RBFOX1: variants seen among roughly 807,000 people sequenced by gnomAD.
RBFOX1 encodes the protein RNA binding protein fox-1 homolog 1.
In RBFOX1, 8 loss-of-function variants were observed where a neutral mutation model predicts 57.7. The ratio of observed to expected loss-of-function variants is 0.14; its 90% CI spans 0.08 to 0.25. The LOEUF is 0.25. Ranked by LOEUF, RBFOX1 falls within the 10% of genes least tolerant of loss-of-function variation. The pLI is 1.00. For synonymous variants in RBFOX1, 326 were observed against 222.4 expected (o/e 1.47, Z -4.15); for missense variants, 611 against 548.5 (o/e 1.11, Z -1.14).
intron 4 of RBFOX1, among the ~76,000 whole-genome samples, chr16:7,434,342 G>A (rs1002850181): frequency 4.6e-5 from 7 of 152,010 alleles, no homozygotes; most frequent in Non-Finnish European, 2.9e-5. Context: ...CACAGTGGCG[G>A]GCGCCAGTAG....
chr16:5,701,117 T>TG (rs2051032037), intron 3 of RBFOX1, among the ~76,000 whole-genome samples: 2 of 97,034 alleles, frequency 2.1e-5, no homozygotes, highest in Non-Finnish European at 3.0e-5. Flanking sequence ...AATGCCTGTT[T>TG]ATTGTTAAAG....
At chr16:7,375,579 T>G (rs2097671335) in intron 4 of RBFOX1, among the ~76,000 whole-genome samples, 1 of 151,994 alleles carries the variant, frequency 6.6e-6, no homozygotes, top group Non-Finnish European at 1.5e-5. Flanking sequence ...GAAATGGGTT[T>G]ATACTCTTCT....
intron 4 of RBFOX1, among the ~76,000 whole-genome samples, chr16:7,379,327 T>C (rs1047188830): frequency 2.1e-4 from 32 of 152,132 alleles, no homozygotes; most frequent in African/African-American, 6.0e-4. Context: ...TGTTTTAAAA[T>C]AATAACAGTA....
chr16:5,915,119 T>A (rs939017477), intron 4 of RBFOX1, among the ~76,000 whole-genome samples: 1 of 152,162 alleles, frequency 6.6e-6, no homozygotes, highest in African/African-American at 2.4e-5. Context: ...TTTTAGAGGC[T>A]GCTCATTCCA....
chr16:5,712,313 T>C (rs2051519985), intron 3 of RBFOX1, among the ~76,000 whole-genome samples: 1 of 152,210 alleles, frequency 6.6e-6, no homozygotes, highest in Non-Finnish European at 1.5e-5. Context: ...CATTTAGTTT[T>C]CACAACCACC....
chr16:6,545,831 T>C (rs1002765724), intron 2 of RBFOX1, among the ~76,000 whole-genome samples: 2 of 152,210 alleles, frequency 1.3e-5, no homozygotes, highest in Non-Finnish European at 2.9e-5. Flanking sequence ...TAAAGCCCAC[T>C]CTGGTGAAAA....
intron 11 of RBFOX1, among the ~76,000 whole-genome samples, chr16:7,635,565 A>G (rs115369959): frequency 0.025 from 3,847 of 151,438 alleles, 180 homozygotes; most frequent in African/African-American, 0.089. Context: ...CACACATGCA[A>G]TGGTGGGGGC....
intron 4 of RBFOX1, among the ~76,000 whole-genome samples, chr16:5,932,671 C>A (rs979689616): frequency 2.6e-5 from 4 of 152,236 alleles, no homozygotes; most frequent in Non-Finnish European, 5.9e-5. Context: ...AGGTCAGTTT[C>A]ATCAATGTCA....
chr16:7,122,146 A>T (rs552923169), intron 4 of RBFOX1, among the ~76,000 whole-genome samples: 1 of 152,234 alleles, frequency 6.6e-6, no homozygotes, highest in East Asian at 1.9e-4. Context: ...CTCCCCAAAA[A>T]GGTTTAATTT....
chr16:5,873,253 C>T (rs2057522365), intron 4 of RBFOX1, among the ~76,000 whole-genome samples: 1 of 152,194 alleles, frequency 6.6e-6, no homozygotes, highest in South Asian at 2.1e-4. Context: ...GCTTGCTGTG[C>T]TACCTTTGCA....
chr16:5,475,015 T>A (rs989314158), intron 2 of RBFOX1, among the ~76,000 whole-genome samples: 11 of 152,200 alleles, frequency 7.2e-5, no homozygotes, highest in Admixed American at 2.0e-4. Flanking sequence ...TTCCGATGGG[T>A]AGGCCTGGGC....
At chr16:6,264,270 G>A (rs1337460942) in intron 1 of RBFOX1, among the ~76,000 whole-genome samples, 2 of 152,180 alleles carry the variant, frequency 1.3e-5, no homozygotes, top group East Asian at 3.9e-4. Context: ...GTCCAAGGAA[G>A]TATGCAACCG....
intron 1 of RBFOX1, among the ~76,000 whole-genome samples, chr16:5,371,824 A>T (rs1317730671): frequency 6.6e-6 from 1 of 152,172 alleles, no homozygotes; most frequent in Non-Finnish European, 1.5e-5. Context: ...CTCCCACCTG[A>T]GGGAGAAATA....
intron 2 of RBFOX1, among the ~76,000 whole-genome samples, chr16:5,496,926 T>G (rs1042948265): frequency 4.1e-4 from 62 of 152,368 alleles, no homozygotes; most frequent in African/African-American, 1.3e-3. Context: ...TAATTACATT[T>G]TATACACAAC....
At chr16:6,778,484 A>C (rs2079769086) in intron 3 of RBFOX1, among the ~76,000 whole-genome samples, 2 of 152,114 alleles carry the variant, frequency 1.3e-5, no homozygotes, top group Non-Finnish European at 2.9e-5. Context: ...ATATAATTAC[A>C]CCCAATCCTT....
At chr16:5,276,184 G>C (rs957758478) in intron 1 of RBFOX1, among the ~76,000 whole-genome samples, 8 of 152,074 alleles carry the variant, frequency 5.3e-5, no homozygotes, top group Admixed American at 5.2e-4. Flanking sequence ...ATAAATAGAT[G>C]GGACTTAATT....
At chr16:5,702,915 T>C (rs1258206062) in intron 3 of RBFOX1, among the ~76,000 whole-genome samples, 1 of 152,218 alleles carries the variant, frequency 6.6e-6, no homozygotes, top group Non-Finnish European at 1.5e-5. Flanking sequence ...TTTCATCTTA[T>C]TGTATCTGTT....
Position 7,656,301 on chromosome 16 carries a change from C to T in RBFOX1, c.890+2354C>T, listed in dbSNP as rs377763224. Among the ~76,000 whole-genome samples the T allele has an allele frequency of 1.3e-4, 20 of 152,218 alleles. No individual in the cohort carries two copies. In the East Asian group the frequency reaches 1.4e-3, roughly 10 times the overall value. On this transcript the variant is annotated intron_variant, in intron 12 of 15. Transcript: ENST00000550418. ...ACAGACTCCTGGGAATGAATTGGCA[C>T]GGAATGAAAAACTTTGAGGCCACCA...
chr16:5,823,011 G>A (rs1350480405), intron 3 of RBFOX1, among the ~76,000 whole-genome samples: 1 of 152,126 alleles, frequency 6.6e-6, no homozygotes, highest in Non-Finnish European at 1.5e-5. Context: ...ATGCTGTGTA[G>A]TAGATCTCAA....
Sources: allele counts gnomAD v4.1 joint callset (sites outside exome capture counted in the v4.1 genomes callset), GRCh38; gene constraint gnomAD v4.1.1; transcripts MANE v1.5; gene names NCBI Gene and HGNC (gene_info 2026-07-23, HGNC 2026-07-21).